CATSPERE: variants seen among roughly 807,000 people sequenced by gnomAD.
CATSPERE encodes cation channel sperm-associated auxiliary subunit epsilon.
CATSPERE carries 93 observed loss-of-function variants against 114.1 expected under a neutral mutation model. The ratio of observed to expected loss-of-function variants is 0.81; its 90% CI spans 0.69 to 0.97. CATSPERE has a LOEUF of 0.97. CATSPERE is among the 50% of genes least tolerant of loss of function. The pLI is 0.00. For missense variants in CATSPERE, 1,058 were observed against 1,131.6 expected (o/e 0.93, Z 0.93); for synonymous variants, 341 against 384.1 (o/e 0.89, Z 1.31).
At chr1:244,604,304 A>G (rs1337541892) in intron 17 of CATSPERE, among the ~76,000 whole-genome samples, 2 of 152,242 alleles carry the variant, frequency 1.3e-5, no homozygotes, top group Non-Finnish European at 2.9e-5. Context: ...TCATCTCTTC[A>G]TGACGTCTCA....
At chr1:244,615,364 T>C (rs902756448) in intron 19 of CATSPERE, among the ~76,000 whole-genome samples, 3 of 151,992 alleles carry the variant, frequency 2.0e-5, no homozygotes, top group African/African-American at 7.3e-5. Flanking sequence ...TTTCATCTCC[T>C]AGAATAAATG....
chr1:244,497,401 T>C (rs1333177697), intron 6 of CATSPERE, among the ~76,000 whole-genome samples: 4 of 150,686 alleles, frequency 2.7e-5, no homozygotes, highest in South Asian at 2.1e-4. Flanking sequence ...AGAGAAACAA[T>C]CCAACAAAAA....
chr1:244,520,314 C>T (rs1677306544), intron 8 of CATSPERE, among the ~76,000 whole-genome samples: 1 of 147,734 alleles, frequency 6.8e-6, no homozygotes, highest in Admixed American at 6.6e-5. Flanking sequence ...GCAGTGAGTT[C>T]ATTTTGTGGT....
intron 9 of CATSPERE, 94 bp downstream of exon 9, chr1:244,552,908 A>G (rs1323211662): frequency 6.3e-6 from 4 of 637,928 alleles, no homozygotes; most frequent in African/African-American, 1.9e-5. Context: ...GAGACTTACT[A>G]TGCAGCTCTT....
intron 14 of CATSPERE, 114 bp downstream of exon 14, chr1:244,588,648 C>A: frequency 2.4e-6 from 2 of 827,480 alleles, no homozygotes; most frequent in South Asian, 1.5e-5. Context: ...ACAATGAAAT[C>A]CAAAACTGAA....
intron 8 of CATSPERE, among the ~76,000 whole-genome samples, chr1:244,543,488 A>G (rs1312375091): frequency 6.6e-6 from 1 of 151,768 alleles, no homozygotes. Flanking sequence ...AAGGTGGGGG[A>G]GGGTGTGAAA....
At chr1:244,556,656 C>T (rs981040461) in intron 9 of CATSPERE, among the ~76,000 whole-genome samples, 2 of 152,152 alleles carry the variant, frequency 1.3e-5, no homozygotes, top group Non-Finnish European at 2.9e-5. Context: ...GTGTTTTCTT[C>T]TAGGAATTTG....
At chr1:244,461,755 C>T (rs1666845786) in intron 1 of CATSPERE, among the ~76,000 whole-genome samples, 1 of 152,174 alleles carries the variant, frequency 6.6e-6, no homozygotes, top group Non-Finnish European at 1.5e-5. Flanking sequence ...CTTCATGCTG[C>T]TGTCCTCAGA....
At chr1:244,491,939 G>C (rs974634901) in intron 6 of CATSPERE, among the ~76,000 whole-genome samples, 1 of 152,188 alleles carries the variant, frequency 6.6e-6, no homozygotes. Context: ...CTCTGAAATT[G>C]TGGCAATAAT....
chr1:244,592,239 G>T (rs1279089998), intron 15 of CATSPERE, among the ~76,000 whole-genome samples: 1 of 152,120 alleles, frequency 6.6e-6, no homozygotes, highest in Admixed American at 6.6e-5. Context: ...CAAGACTGTA[G>T]TTCAGCTAGT....
chr1:244,495,121 C>T lies in CATSPERE; in HGVS notation c.352-3881C>T, dbSNP rs1340618666. Reference sequence around the variant, plus strand: ...CAGTACACACACTCACAGACCTTTACGTTAATATAGGTGCGGTGTGCATAT... The same window carrying T: ...CAGTACACACACTCACAGACCTTTATGTTAATATAGGTGCGGTGTGCATAT... On this transcript the variant is annotated intron_variant, in intron 6 of 21. Transcript: ENST00000366534. 4.6e-5 allele frequency among the ~76,000 whole-genome samples: 7 copies of T among 152,028 alleles called. No individual in the cohort carries two copies. The East Asian group carries it at 5.8e-4, about 13-fold the overall frequency.
intron 8 of CATSPERE, among the ~76,000 whole-genome samples, chr1:244,538,088 C>T (rs1449370550): frequency 1.3e-5 from 2 of 152,066 alleles, no homozygotes; most frequent in South Asian, 4.1e-4. Flanking sequence ...TTTGGGAGAC[C>T]AAGGTGGGAG....
chr1:244,510,741 A>G (rs1572475911), intron 7 of CATSPERE, among the ~76,000 whole-genome samples: 1 of 130,764 alleles, frequency 7.6e-6, no homozygotes, highest in Non-Finnish European at 1.6e-5. Context: ...ATGGAGGTCT[A>G]TTTCTCCCTT....
chr1:244,502,848 A>G (rs1166302155), intron 7 of CATSPERE, among the ~76,000 whole-genome samples: 1 of 152,182 alleles, frequency 6.6e-6, no homozygotes, highest in Non-Finnish European at 1.5e-5. Context: ...AAAATTGTCC[A>G]ACAGAAGAAC....
chr1:244,464,307 G>C (rs775763648), intron 2 of CATSPERE, among the ~76,000 whole-genome samples: 2 of 152,198 alleles, frequency 1.3e-5, no homozygotes, highest in Non-Finnish European at 2.9e-5. Flanking sequence ...AAATCAGGAT[G>C]TATGGTCACC....
At chr1:244,542,153 A>AT (rs1307279109) in intron 8 of CATSPERE, among the ~76,000 whole-genome samples, 2 of 19,938 alleles carry the variant, frequency 1.0e-4, no homozygotes, top group Non-Finnish European at 2.5e-4. Context: ...AACATAAAGT[A>AT]TAAAAAAAAA....
At chr1:244,452,293 T>G (rs564510210), upstream of CATSPERE, among the ~76,000 whole-genome samples, 83 of 152,274 alleles carry the variant, frequency 5.5e-4, no homozygotes, top group Non-Finnish European at 1.1e-3. Flanking sequence ...CGCTCTGGGC[T>G]GCGGCGGTGT....
intron 7 of CATSPERE, among the ~76,000 whole-genome samples, chr1:244,499,508 G>T (rs1471836588): frequency 1.9e-5 from 1 of 52,992 alleles, no homozygotes; most frequent in African/African-American, 6.8e-5. Flanking sequence ...CCCACCCCTC[G>T]ACAGGCCATG....
intron 2 of CATSPERE, among the ~76,000 whole-genome samples, chr1:244,475,536 A>AAT (rs1475977989): frequency 1.6e-5 from 2 of 121,686 alleles, no homozygotes; most frequent in African/African-American, 6.4e-5. Flanking sequence ...ACCTGGCCAC[A>AAT]ATTTTTTTTT....
Sources: gnomAD v4.1 joint callset for allele counts (sites outside exome capture counted in the v4.1 genomes callset) on GRCh38, gnomAD v4.1.1 for gene constraint, MANE v1.5 for transcripts, NCBI Gene and HGNC (gene_info 2026-07-23, HGNC 2026-07-21) for gene names.